Variants in CWC27 observed in about 807,000 individuals in gnomAD.
CWC27 encodes the protein spliceosome-associated protein CWC27 homolog.
A neutral mutation model predicts 63.6 loss-of-function variants in CWC27; 47 were observed. The observed-to-expected ratio is 0.74, with a 90% CI of 0.58 to 0.94. The LOEUF (loss-of-function observed/expected upper bound fraction) is 0.94. Among genes scored for constraint, CWC27 ranks in the 40% least tolerant of loss-of-function variants. The pLI is 0.00. For synonymous variants in CWC27, 175 were observed against 179.8 expected (o/e 0.97, Z 0.22); for missense variants, 495 against 554.3 (o/e 0.89, Z 1.07).
At chr5:64,797,309 A>C (rs1223226127) in intron 7 of CWC27, among the ~76,000 whole-genome samples, 1 of 152,170 alleles carries the variant, frequency 6.6e-6, no homozygotes, top group Non-Finnish European at 1.5e-5. Flanking sequence ...TTAAGAAAGA[A>C]TAGGCATTAA....
At chr5:64,858,727 TA>T (rs945273621) in intron 10 of CWC27, among the ~76,000 whole-genome samples, 11 of 148,908 alleles carry the variant, frequency 7.4e-5, no homozygotes, top group South Asian at 4.3e-4. Context: ...GATTGACATT[TA>T]AAAAAAAAAT....
chr5:64,846,275 G>T (rs1745976260), intron 10 of CWC27, among the ~76,000 whole-genome samples: 2 of 152,078 alleles, frequency 1.3e-5, no homozygotes, highest in African/African-American at 4.8e-5. Context: ...GGTGCATAAG[G>T]CAATTTCATC....
At chr5:64,836,937 G>A (rs971109373) in intron 10 of CWC27, among the ~76,000 whole-genome samples, 10 of 152,046 alleles carry the variant, frequency 6.6e-5, no homozygotes, top group Admixed American at 1.3e-4. Context: ...ATTTATCTGA[G>A]TTACAGGACT....
chr5:64,834,624 T>A (rs529062778), intron 10 of CWC27, among the ~76,000 whole-genome samples: 26 of 151,780 alleles, frequency 1.7e-4, no homozygotes, highest in Non-Finnish European at 3.7e-4. Flanking sequence ...ATCTTAACTG[T>A]ATTTTTACTG....
At chr5:64,946,686 A>G (rs891472409) in intron 11 of CWC27, among the ~76,000 whole-genome samples, 7 of 152,080 alleles carry the variant, frequency 4.6e-5, no homozygotes, top group Admixed American at 6.6e-5. Context: ...GTTTCCATTT[A>G]CCCGTATTAG....
intron 13 of CWC27, 81 bp from the exon 14 acceptor site, chr5:65,018,078 A>G: frequency 8.2e-7 from 1 of 1,223,064 alleles, no homozygotes. Context: ...ATGTTTCATT[A>G]TGTCGATGAT....
At chr5:64,864,940 T>A (rs568026111) in intron 10 of CWC27, among the ~76,000 whole-genome samples, 73 of 152,250 alleles carry the variant, frequency 4.8e-4, no homozygotes, top group Middle Eastern at 3.4e-3. Flanking sequence ...TACAATGCAT[T>A]ATTATTAACC....
At chr5:64,773,426 T>C (rs1743333061) in intron 1 of CWC27, among the ~76,000 whole-genome samples, 1 of 152,174 alleles carries the variant, frequency 6.6e-6, no homozygotes, top group Non-Finnish European at 1.5e-5. Context: ...AGACAGAAAG[T>C]AGATTAGTGG....
chr5:64,881,798 A>G (rs2112338365), intron 10 of CWC27, among the ~76,000 whole-genome samples: 1 of 152,270 alleles, frequency 6.6e-6, no homozygotes, highest in East Asian at 1.9e-4. Flanking sequence ...TGTACTTCAA[A>G]TTATTCTCAT....
At chr5:64,874,592 G>T (rs189458005) in intron 10 of CWC27, among the ~76,000 whole-genome samples, 52 of 152,104 alleles carry the variant, frequency 3.4e-4, no homozygotes, top group African/African-American at 1.3e-3. Context: ...TCAGCCTCCT[G>T]AGTAGCTGGA....
At chr5:64,888,653 G>A (rs1194345026) in intron 11 of CWC27, among the ~76,000 whole-genome samples, 1 of 151,142 alleles carries the variant, frequency 6.6e-6, no homozygotes, top group Non-Finnish European at 1.5e-5. Flanking sequence ...TAACAGAAGA[G>A]AAAGTTCTTT....
At chr5:64,922,847 G>C (rs1018539414) in intron 11 of CWC27, among the ~76,000 whole-genome samples, 11 of 152,134 alleles carry the variant, frequency 7.2e-5, no homozygotes, top group Non-Finnish European at 5.9e-5. Context: ...TGCAAGTTAG[G>C]AAAGTTAAAT....
intron 11 of CWC27, among the ~76,000 whole-genome samples, chr5:64,907,227 G>C (rs924485638): frequency 5.3e-5 from 8 of 152,174 alleles, no homozygotes; most frequent in African/African-American, 1.9e-4. Flanking sequence ...GCTTGATGGG[G>C]ATGGCATTGA....
chr5:64,917,136 A>C (rs964935829), intron 11 of CWC27, among the ~76,000 whole-genome samples: 1 of 152,136 alleles, frequency 6.6e-6, no homozygotes, highest in Non-Finnish European at 1.5e-5. Flanking sequence ...GTGTTCTCTA[A>C]TAACTATATG....
intron 7 of CWC27, among the ~76,000 whole-genome samples, chr5:64,799,147 G>C (rs1744387778): frequency 6.6e-6 from 1 of 152,238 alleles, no homozygotes; most frequent in African/African-American, 2.4e-5. Context: ...CCACTGACTA[G>C]TTTTGTGACC....
intron 13 of CWC27, among the ~76,000 whole-genome samples, chr5:65,014,249 T>C (rs958847067): frequency 1.1e-4 from 16 of 147,954 alleles, no homozygotes; most frequent in Admixed American, 4.1e-4. Flanking sequence ...TTACATATTA[T>C]ATATGATATA....
intron 10 of CWC27, among the ~76,000 whole-genome samples, chr5:64,872,759 T>A (rs1241404320): frequency 1.3e-5 from 2 of 152,224 alleles, no homozygotes; most frequent in African/African-American, 4.8e-5. Flanking sequence ...TCATCCTCTT[T>A]AAATCCTGAT....
intron 7 of CWC27, among the ~76,000 whole-genome samples, chr5:64,794,352 AG>A (rs1260243290): frequency 6.6e-6 from 1 of 152,158 alleles, no homozygotes; most frequent in African/African-American, 2.4e-5. Context: ...AATTTGAACT[AG>A]TAATTTGAAA....
intron 11 of CWC27, among the ~76,000 whole-genome samples, chr5:64,963,507 C>A (rs958151202): frequency 6.6e-6 from 1 of 152,040 alleles, no homozygotes; most frequent in Non-Finnish European, 1.5e-5. Flanking sequence ...GAAACATGAA[C>A]GTACTATGAC....
Sources: gnomAD v4.1 joint callset for allele counts (sites outside exome capture counted in the v4.1 genomes callset) on GRCh38, gnomAD v4.1.1 for gene constraint, MANE v1.5 for transcripts, NCBI Gene and HGNC (gene_info 2026-07-23, HGNC 2026-07-21) for gene names.